CSMD3: variants seen among roughly 807,000 people sequenced by gnomAD.
CSMD3 encodes CUB and Sushi multiple domains 3.
Under a neutral mutation model 435.2 loss-of-function variants are expected in CSMD3, and 177 were observed. That is an observed-to-expected ratio of 0.41 (90% CI 0.36 to 0.46). The LOEUF (loss-of-function observed/expected upper bound fraction) is 0.46, where lower values mean the gene tolerates loss of function less well. Among genes scored for constraint, CSMD3 ranks in the 20% least tolerant of loss-of-function variants. The pLI is 0.34. For synonymous variants in CSMD3, 1,656 were observed against 1,520.5 expected, an observed-to-expected ratio of 1.09 and a Z score of -2.07; for missense variants, 4,265 against 4,504.6, an observed-to-expected ratio of 0.95 and a Z score of 1.52.
chr8:113,238,837 G>A (rs2093179139), intron 3 of CSMD3, among the ~76,000 whole-genome samples: 1 of 152,090 alleles, frequency 6.6e-6, no homozygotes, highest in African/African-American at 2.4e-5. Flanking sequence ...TAAACATATA[G>A]CACATCAGCT....
At chr8:112,664,268 G>A (rs1394969441) in intron 17 of CSMD3, among the ~76,000 whole-genome samples, 3 of 151,976 alleles carry the variant, frequency 2.0e-5, no homozygotes, top group Admixed American at 6.6e-5. Context: ...GAAAAATATG[G>A]ATGAAATCTT....
At position 112,406,469 on chromosome 8, in the gene CSMD3, C is replaced by T. The variant is rs1334424230; in HGVS notation, c.5809+55G>A. On this transcript the variant is annotated intron_variant, in intron 35 of 70. Coordinates refer to ENST00000297405, the MANE Select transcript of CSMD3 (RefSeq NM_198123.2). ...AAATTTAAAAAATTGAAAGATGTAA[C>T]CAATTTTTATATAAACTATGTATAA... 2.8e-5 allele frequency: 35 copies of T among 1,238,442 alleles called. No homozygotes were observed. In the East Asian group the frequency reaches 8.0e-4, roughly 28 times the overall value. The allele number at this position is 1,238,442 out of a possible 1,614,324, so 76.7% of individuals were successfully genotyped here. A position where few individuals can be genotyped will look rare whatever the true frequency, so the allele number is the denominator to read the frequency against.
intron 17 of CSMD3, among the ~76,000 whole-genome samples, chr8:112,665,250 C>T (rs985885673): frequency 3.3e-5 from 5 of 152,146 alleles, no homozygotes; most frequent in African/African-American, 4.8e-5. Context: ...CCATACGAAG[C>T]TCTTCATATT....
chr8:113,188,238 A>G (rs544634817), intron 3 of CSMD3, among the ~76,000 whole-genome samples: 2 of 152,090 alleles, frequency 1.3e-5, no homozygotes, highest in East Asian at 1.9e-4. Flanking sequence ...TGCTCTGTCT[A>G]TTCAATTGAC....
chr8:112,400,691 C>A (rs566905507), intron 35 of CSMD3, among the ~76,000 whole-genome samples: 1 of 152,190 alleles, frequency 6.6e-6, no homozygotes, highest in South Asian at 2.1e-4. Context: ...CAGCCTAAAG[C>A]CTTTCATAGG....
chr8:113,309,457 C>T (rs1388104307), intron 2 of CSMD3: 2 of 152,146 alleles, frequency 1.3e-5, no homozygotes, highest in Non-Finnish European at 2.9e-5. Flanking sequence ...ATGTTTAGCT[C>T]TCACTTATAA....
intron 53 of CSMD3, 39 bp from the exon 54 acceptor site, chr8:112,296,045 T>C (rs1820231847): frequency 1.3e-6 from 2 of 1,484,094 alleles, no homozygotes; most frequent in South Asian, 1.2e-5. Context: ...AATACTGTGA[T>C]TTGTTTTATT....
chr8:112,342,845 T>C (rs1265102655), intron 41 of CSMD3, among the ~76,000 whole-genome samples: 2 of 151,594 alleles, frequency 1.3e-5, no homozygotes, highest in African/African-American at 4.8e-5. Context: ...CATGCAACCT[T>C]AATATGTGAA....
chr8:112,892,311 C>G (rs139051822), intron 10 of CSMD3, among the ~76,000 whole-genome samples: 1 of 151,050 alleles, frequency 6.6e-6, no homozygotes, highest in Non-Finnish European at 1.5e-5. Flanking sequence ...TTCAATAACT[C>G]TATAGAAAGA....
intron 12 of CSMD3, among the ~76,000 whole-genome samples, chr8:112,827,664 C>T (rs964667494): frequency 2.0e-5 from 3 of 152,100 alleles, no homozygotes; most frequent in African/African-American, 7.2e-5. Context: ...TTATGAGTGT[C>T]AGGTAAAGAA....
intron 6 of CSMD3, among the ~76,000 whole-genome samples, chr8:113,015,060 C>T (rs1397256683): frequency 6.6e-6 from 1 of 151,964 alleles, no homozygotes; most frequent in Admixed American, 6.6e-5. Context: ...TCTTATTTAC[C>T]TTTGTTCAGT....
intron 24 of CSMD3, among the ~76,000 whole-genome samples, chr8:112,566,158 T>C (rs1678592552): frequency 6.6e-6 from 1 of 151,856 alleles, no homozygotes; most frequent in African/African-American, 2.4e-5. Flanking sequence ...ACTCAAATCT[T>C]GAGTTCAGAG....
intron 3 of CSMD3, among the ~76,000 whole-genome samples, chr8:113,277,529 T>C (rs1309199543): frequency 1.3e-5 from 2 of 152,020 alleles, no homozygotes; most frequent in African/African-American, 4.8e-5. Flanking sequence ...ACATGCAAGA[T>C]GTTAACATTT....
intron 52 of CSMD3, 128 bp downstream of exon 52, chr8:112,304,593 G>T: frequency 1.4e-6 from 1 of 726,830 alleles, no homozygotes; most frequent in Non-Finnish European, 2.4e-6. Flanking sequence ...AAAACGTAAC[G>T]AGAATAAATG....
At position 113,282,018 on chromosome 8, in the gene CSMD3, C is replaced by A. The variant is rs553769468; in HGVS notation, c.402-3314G>T. Among the ~76,000 whole-genome samples the A allele has an allele frequency of 3.9e-5, 6 of 152,084 alleles. No homozygotes were observed. The South Asian group carries it at 6.2e-4, about 16-fold the overall frequency. On this transcript the variant is annotated intron_variant, in intron 2 of 70. Transcript: ENST00000297405. ...GAAGATAGGCACCAATTCCTTCTAG[C>A]TTGTAGGGTTTCTGCTGAGAAATCT... is the stretch of plus-strand genomic sequence containing the variant.
At chr8:112,562,585 T>C (rs986256435) in intron 24 of CSMD3, among the ~76,000 whole-genome samples, 5 of 151,240 alleles carry the variant, frequency 3.3e-5, no homozygotes, top group Non-Finnish European at 7.4e-5. Context: ...CAAAACCATA[T>C]ATATTAATAA....
At chr8:112,870,645 T>A (rs943881407) in intron 10 of CSMD3, among the ~76,000 whole-genome samples, 1 of 152,126 alleles carries the variant, frequency 6.6e-6, no homozygotes, top group Admixed American at 6.6e-5. Flanking sequence ...GACTATTAGA[T>A]AATATGTTTT....
In CSMD3 at chr8:113,396,455, T is replaced by G. The variant is rs559942502; in HGVS notation, c.178+40222A>C. ...GTTCCAAGGTACCAGTCCTATTAAA[T>G]GTAGATTTGAGTTTTGACTTCCACT... On this transcript the variant is annotated intron_variant, in intron 1 of 70. Coordinates refer to ENST00000297405, the MANE Select transcript of CSMD3 (RefSeq NM_198123.2). Among the ~76,000 whole-genome samples the G allele has an allele frequency of 1.8e-3, 273 of 152,292 alleles. 2 individuals are homozygous for G. Among genetic ancestry groups the G allele is most frequent in the Non-Finnish European group, 2.2e-3 (152 of 67,998 alleles).
chr8:112,850,120 T>C (rs183720547), intron 11 of CSMD3, among the ~76,000 whole-genome samples: 4 of 152,302 alleles, frequency 2.6e-5, no homozygotes, highest in East Asian at 3.9e-4. Context: ...CAGTGAACGT[T>C]AACTATTGTT....
Sources: gnomAD v4.1 joint callset for allele counts (sites outside exome capture counted in the v4.1 genomes callset) on GRCh38, gnomAD v4.1.1 for gene constraint, MANE v1.5 for transcripts, NCBI Gene and HGNC (gene_info 2026-07-23, HGNC 2026-07-21) for gene names.